The following DLGAP1 variants were observed in gnomAD, a reference collection of about 807,000 sequenced individuals.
DLGAP1 encodes the protein DLG associated protein 1, also known as disks large-associated protein 1.
Under a neutral mutation model 90.8 loss-of-function variants are expected in DLGAP1, and 11 were observed. The ratio of observed to expected loss-of-function variants is 0.12; its 90% CI spans 0.08 to 0.20. The LOEUF is 0.20. Ranked by LOEUF, DLGAP1 falls within the 10% of genes least tolerant of loss-of-function variation. DLGAP1 has a pLI of 1.00. For synonymous variants in DLGAP1, 558 were observed against 540.7 expected (o/e 1.03, Z -0.44); for missense variants, 1,050 against 1,333.8 (o/e 0.79, Z 3.31).
intron 4 of DLGAP1, among the ~76,000 whole-genome samples, chr18:3,846,585 A>AT (rs2069027914): frequency 6.6e-6 from 1 of 152,224 alleles, no homozygotes; most frequent in African/African-American, 2.4e-5. Context: ...AAAGTGTAGT[A>AT]TATCCATACA....
chr18:4,122,629 A>C (rs2076170670), intron 2 of DLGAP1, among the ~76,000 whole-genome samples: 1 of 152,226 alleles, frequency 6.6e-6, no homozygotes, highest in Non-Finnish European at 1.5e-5. Context: ...CAAGCCTGCC[A>C]GTTAAATGAT....
chr18:3,977,434 G>GTGTTTTTTTTTTTTTTTTTT (rs1555718019), intron 3 of DLGAP1, among the ~76,000 whole-genome samples: 39 of 95,338 alleles, frequency 4.1e-4, no homozygotes, highest in African/African-American at 1.6e-3. Context: ...TTTATTCTGT[G>GTGTTTTTTTTTTTTTTTTTT]TTTTTTTTTT....
chr18:3,869,571 A>G (rs2070616441), intron 4 of DLGAP1, among the ~76,000 whole-genome samples: 1 of 152,230 alleles, frequency 6.6e-6, no homozygotes, highest in Non-Finnish European at 1.5e-5. Context: ...AAAGAAAAGA[A>G]AAAAAGATTG....
chr18:3,835,643 G>A (rs112037824), intron 4 of DLGAP1, among the ~76,000 whole-genome samples: 36 of 129,498 alleles, frequency 2.8e-4, no homozygotes, highest in African/African-American at 9.1e-4. Context: ...GCAAGGCTCC[G>A]TCTCAAAAAA....
Position 4,378,209 on chromosome 18 carries a change from G to C in DLGAP1, c.-267+76797C>G, listed in dbSNP as rs2082052061. On this transcript the variant is annotated intron_variant, in intron 1 of 12. Transcript: ENST00000315677. This position sits in a 1 kb window ranked among gnomAD's most constrained non-coding sequence, Gnocchi z 4.5. ...TATCTATACGGAAGACTACTGAATGGGGGAGGTGTGGAATGGGGAAGCCAG... is the reference window on the plus strand; with the variant it reads ...TATCTATACGGAAGACTACTGAATGCGGGAGGTGTGGAATGGGGAAGCCAG... Among the ~76,000 whole-genome samples, 1 of 151,150 alleles carries C rather than the reference G, an allele frequency of 6.6e-6. No homozygotes were observed. Among genetic ancestry groups the C allele is most frequent in the African/African-American group, 2.4e-5 (1 of 41,250 alleles).
intron 1 of DLGAP1, among the ~76,000 whole-genome samples, chr18:4,390,786 T>C (rs774543770): frequency 3.3e-5 from 5 of 152,192 alleles, no homozygotes; most frequent in African/African-American, 9.6e-5. Context: ...TTGGCAGTTA[T>C]GAATAAAATT....
chr18:3,592,303 A>G (rs2056290862), intron 7 of DLGAP1, among the ~76,000 whole-genome samples: 1 of 152,240 alleles, frequency 6.6e-6, no homozygotes, highest in South Asian at 2.1e-4. Context: ...TTGTGCACTT[A>G]ACAGTGCATC....
chr18:3,699,144 T>C (rs2061193071), intron 7 of DLGAP1, among the ~76,000 whole-genome samples: 1 of 152,130 alleles, frequency 6.6e-6, no homozygotes, highest in Non-Finnish European at 1.5e-5. Context: ...CCTACTTCCA[T>C]CAATTCGTCA....
intron 2 of DLGAP1, among the ~76,000 whole-genome samples, chr18:4,006,149 G>A (rs2074296417): frequency 6.6e-6 from 1 of 152,190 alleles, no homozygotes; most frequent in Admixed American, 6.5e-5. Flanking sequence ...ATGATGGACA[G>A]TAAGTTCTTG....
chr18:4,245,102 C>T (rs556369670), intron 1 of DLGAP1, among the ~76,000 whole-genome samples: 13 of 152,160 alleles, frequency 8.5e-5, no homozygotes, highest in African/African-American at 2.4e-4. Flanking sequence ...TGGTCTGCTA[C>T]GTTGTTAGCT....
chr18:3,949,902 T>G (rs1296725741), intron 3 of DLGAP1, among the ~76,000 whole-genome samples: 1 of 152,228 alleles, frequency 6.6e-6, no homozygotes, highest in Non-Finnish European at 1.5e-5. Flanking sequence ...CCACATGATA[T>G]TTTGTTTCTT....
intron 7 of DLGAP1, among the ~76,000 whole-genome samples, chr18:3,586,843 C>T (rs1485497189): frequency 6.6e-6 from 1 of 152,178 alleles, no homozygotes; most frequent in Non-Finnish European, 1.5e-5. Flanking sequence ...TTCAGTTCTA[C>T]TCTCAGAATT....
In DLGAP1 at chr18:3,499,278, G is replaced by C. The variant is rs2049803859; in HGVS notation, c.2841C>G (p.Ala947=). The C allele has an allele frequency of 1.3e-6, 2 of 1,597,530 alleles. No individual in the cohort carries two copies. The highest frequency in any genetic ancestry group is 2.7e-5 in the African/African-American group (2 of 74,338). ...GGCGGACGGACGCGGCGCGCTTGGC[G>C]GCCATCAGGCGCTTGCGGGCCTCCT... ...QRQEARKRLM[A]AKRAASVRQN... The change falls in exon 13 of 13, where the codon GCC becomes GCG. Residue 947 remains alanine (A), a synonymous_variant. Transcript: ENST00000315677. This position sits in a 1 kb window ranked among gnomAD's most constrained non-coding sequence, Gnocchi z 6.4.
At chr18:4,296,042 T>A (rs1256057369) in intron 1 of DLGAP1, among the ~76,000 whole-genome samples, 1 of 152,136 alleles carries the variant, frequency 6.6e-6, no homozygotes, top group Non-Finnish European at 1.5e-5. Flanking sequence ...CAGCACAAGG[T>A]TAGTAAGGAG....
At chr18:3,821,180 T>G (rs532988071) in intron 4 of DLGAP1, among the ~76,000 whole-genome samples, 1 of 151,428 alleles carries the variant, frequency 6.6e-6, no homozygotes, top group Non-Finnish European at 1.5e-5. Flanking sequence ...GTCCTAGCTA[T>G]TTGGGAGGCT....
At chr18:3,974,038 A>C (rs1279834939) in intron 3 of DLGAP1, among the ~76,000 whole-genome samples, 1 of 152,114 alleles carries the variant, frequency 6.6e-6, no homozygotes, top group Non-Finnish European at 1.5e-5. Flanking sequence ...TGTGTATCTA[A>C]CCTATCTAAA....
rs1311116663 is a variant in DLGAP1, at chr18:3,772,348, CTTTCTTTCTTTCTTTCTTTCTTTCTT to C, written c.1173-29862_1173-29837del. ...TTTCTCTCCTTCTCTCTCTCTCTCT[CTTTCTTTCTTTCTTTCTTTCTTTCTT>C]TCTTTCTTTCTTTCTTTCTTTCTTT... is the stretch of plus-strand genomic sequence containing the variant. On this transcript the variant is annotated intron_variant, in intron 5 of 12. Coordinates refer to ENST00000315677, the MANE Select transcript of DLGAP1 (RefSeq NM_004746.4). Among the ~76,000 whole-genome samples the C allele has an allele frequency of 3.1e-3, 7 of 2,234 alleles. 1 individual carries two copies. The highest frequency in any genetic ancestry group is 0.01 in the African/African-American group (7 of 700). 1.5% of individuals were successfully genotyped at this position (2,234 alleles called of 152,430 possible).
chr18:3,944,572 C>T (rs1216537990), intron 3 of DLGAP1, among the ~76,000 whole-genome samples: 2 of 152,204 alleles, frequency 1.3e-5, no homozygotes, highest in Admixed American at 1.3e-4. Context: ...CTCTCAGCTG[C>T]CTCAGCCAAC....
chr18:3,846,978 T>G (rs1367688852), intron 4 of DLGAP1, among the ~76,000 whole-genome samples: 1 of 152,244 alleles, frequency 6.6e-6, no homozygotes, highest in Non-Finnish European at 1.5e-5. Flanking sequence ...TGCATTACAT[T>G]GATTTGTGAA....
Sources: allele counts gnomAD v4.1 joint callset (sites outside exome capture counted in the v4.1 genomes callset), GRCh38; gene constraint gnomAD v4.1.1; non-coding constraint Gnocchi (gnomAD v3.1); transcripts MANE v1.5; gene names NCBI Gene and HGNC (gene_info 2026-07-23, HGNC 2026-07-21).